Variants in CPNE5 observed in about 807,000 individuals in gnomAD.
CPNE5 encodes the protein copine 5, also known as copine-5.
In CPNE5, 42 loss-of-function variants were observed where a neutral mutation model predicts 81.1. The ratio of observed to expected loss-of-function variants is 0.52; its 90% CI spans 0.40 to 0.67. The LOEUF (loss-of-function observed/expected upper bound fraction) is 0.67. Ranked by LOEUF, CPNE5 falls within the 30% of genes least tolerant of loss-of-function variation. The pLI is 0.00. For synonymous variants in CPNE5, 313 were observed against 321.5 expected, an observed-to-expected ratio of 0.97 and a Z score of 0.28; for missense variants, 612 against 815.5, an observed-to-expected ratio of 0.75 and a Z score of 3.04.
intron 10 of CPNE5, among the ~76,000 whole-genome samples, chr6:36,771,249 G>A (rs1767012258): frequency 6.6e-6 from 1 of 152,172 alleles, no homozygotes; most frequent in African/African-American, 2.4e-5. Context: ...CCTGGTCACA[G>A]CCCTGTCATG....
intron 4 of CPNE5, among the ~76,000 whole-genome samples, chr6:36,799,700 T>C (rs1419799760): frequency 1.3e-5 from 2 of 152,066 alleles, no homozygotes; most frequent in Non-Finnish European, 2.9e-5. Context: ...CAGCAGACAT[T>C]CCCCAGCACC....
chr6:36,805,989 C>G (rs1770556306), intron 3 of CPNE5, among the ~76,000 whole-genome samples: 1 of 152,190 alleles, frequency 6.6e-6, no homozygotes, highest in South Asian at 2.1e-4. Context: ...GGCAGGTAGA[C>G]AGCAGTGTCG....
intron 8 of CPNE5, among the ~76,000 whole-genome samples, chr6:36,781,233 A>G (rs1020106466): frequency 6.6e-6 from 1 of 152,128 alleles, no homozygotes; most frequent in Non-Finnish European, 1.5e-5. Context: ...GGGAGAAGGA[A>G]GCTGGACTGG....
At chr6:36,837,757 T>C (rs1198817766) in intron 1 of CPNE5, among the ~76,000 whole-genome samples, 1 of 152,030 alleles carries the variant, frequency 6.6e-6, no homozygotes. Flanking sequence ...GGGAATGGGC[T>C]GTTCAGAGGC....
At chr6:36,794,900 G>A (rs1400452122) in intron 6 of CPNE5, among the ~76,000 whole-genome samples, 1 of 152,194 alleles carries the variant, frequency 6.6e-6, no homozygotes, top group African/African-American at 2.4e-5. Flanking sequence ...TAATAGGAAT[G>A]TAAATTCCCA....
chr6:36,772,461 T>C (rs1315305812), intron 10 of CPNE5, among the ~76,000 whole-genome samples: 2 of 152,164 alleles, frequency 1.3e-5, no homozygotes, highest in African/African-American at 4.8e-5. Flanking sequence ...GCTAAGACCG[T>C]CTTTGTTCCC....
intron 12 of CPNE5, 125 bp downstream of exon 12, chr6:36,762,792 G>T: frequency 1.3e-6 from 1 of 756,306 alleles, no homozygotes. Context: ...ACGGTAGAAT[G>T]GGACAATAAC....
rs550205517 is a variant in CPNE5 at position 36,808,976 on chromosome 6, A to T, written c.184-8906T>A. On this transcript the variant is annotated intron_variant, in intron 3 of 20. Transcript: ENST00000244751. ...GTTGATATAGTCACTATTCAGTAAGAGGCTTATGCTGTGAATGGAGGCTGG... is the reference window on the plus strand; with the variant it reads ...GTTGATATAGTCACTATTCAGTAAGTGGCTTATGCTGTGAATGGAGGCTGG... 5.1e-4 allele frequency among the ~76,000 whole-genome samples: 77 copies of T among 152,288 alleles called. 1 individual carries two copies. The East Asian group carries it at 0.013, about 26-fold the overall frequency.
At chr6:36,760,438 A>G (rs1204288583) in intron 12 of CPNE5, among the ~76,000 whole-genome samples, 2 of 152,152 alleles carry the variant, frequency 1.3e-5, no homozygotes. Flanking sequence ...ATGTGATCAG[A>G]TCACTATTTT....
intron 8 of CPNE5, among the ~76,000 whole-genome samples, chr6:36,788,362 C>A (rs1345478877): frequency 6.6e-6 from 1 of 152,130 alleles, no homozygotes; most frequent in Non-Finnish European, 1.5e-5. Context: ...AGCCACCCTG[C>A]CTGCTGAGGG....
intron 8 of CPNE5, among the ~76,000 whole-genome samples, chr6:36,783,104 G>A (rs1768190658): frequency 6.6e-6 from 1 of 152,084 alleles, no homozygotes; most frequent in African/African-American, 2.4e-5. Flanking sequence ...TCATACTAGG[G>A]TGAACCATAT....
intron 4 of CPNE5, among the ~76,000 whole-genome samples, chr6:36,799,070 G>A (rs1769866608): frequency 6.6e-6 from 1 of 152,016 alleles, no homozygotes; most frequent in Non-Finnish European, 1.5e-5. Flanking sequence ...CCTCACCTGG[G>A]GCCTGCTCAC....
At chr6:36,756,876 G>A (rs1386343420) in intron 12 of CPNE5, among the ~76,000 whole-genome samples, 3 of 152,214 alleles carry the variant, frequency 2.0e-5, no homozygotes, top group Non-Finnish European at 2.9e-5. Context: ...CATGGGGCTA[G>A]GCTCAGAGTA....
intron 20 of CPNE5, 41 bp from the exon 21 acceptor site, chr6:36,742,527 G>C (rs772189586): frequency 1.3e-6 from 2 of 1,587,388 alleles, no homozygotes; most frequent in Non-Finnish European, 1.7e-6. Flanking sequence ...GCCTCCTGTG[G>C]GACCCTGGCC....
chr6:36,765,474 A>T, intron 10 of CPNE5, 98 bp from the exon 11 acceptor site: 3 of 1,429,082 alleles, frequency 2.1e-6, no homozygotes, highest in Non-Finnish European at 2.9e-6. Context: ...TAGGGAGGCC[A>T]GGACTCCCTC....
In CPNE5 at chr6:36,746,974, A is replaced by G. The variant is rs201699254; in HGVS notation, c.1019-397T>C. Among the ~76,000 whole-genome samples the G allele has an allele frequency of 6.6e-6, 1 of 151,930 alleles. No individual in the cohort carries two copies. Among genetic ancestry groups the G allele is most frequent in the South Asian group, 2.1e-4 (1 of 4,826 alleles). Reference sequence around the variant, plus strand: ...CCCAAAGTCCTCACAAGAGCCCGCAAGCACTCATGATCTGGCCTCCAGGTC... The same window carrying G: ...CCCAAAGTCCTCACAAGAGCCCGCAGGCACTCATGATCTGGCCTCCAGGTC... On this transcript the variant is annotated intron_variant, in intron 15 of 20. Transcript: ENST00000244751. The surrounding 1 kb of genome is among the most constrained non-coding windows in gnomAD (Gnocchi z 4.5).
At chr6:36,811,080 G>A (rs989153487) in intron 3 of CPNE5, among the ~76,000 whole-genome samples, 12 of 152,132 alleles carry the variant, frequency 7.9e-5, no homozygotes, top group East Asian at 7.7e-4. Context: ...CCAGCTCCTC[G>A]GGGAACGGGG....
In CPNE5 at chr6:36,774,998, T is replaced by A. The variant is rs1562122850; in HGVS notation, c.700A>T (p.Ile234Phe). The change falls in exon 10 of 21, where the codon ATT becomes TTT. Residue 234 changes from isoleucine (I) to phenylalanine (F), a missense_variant. Physicochemically the swap from Ile to Phe is conservative, Grantham distance 21. Transcript: ENST00000244751. ...CCGTTGCAGAGGGCTCTCACGGGAATGGAGAAAGTTTGCCAGACTGGATTT... is the reference window on the plus strand; with the variant it reads ...CCGTTGCAGAGGGCTCTCACGGGAAAGGAGAAAGTTTGCCAGACTGGATTT... ...TLNPVWQTFS[I>F]PVRALCNGDY... 6 of 1,614,126 alleles carry A rather than the reference T, an allele frequency of 3.7e-6. No homozygotes were observed. The highest frequency in any genetic ancestry group is 5.1e-6 in the Non-Finnish European group (6 of 1,179,978).
intron 8 of CPNE5, among the ~76,000 whole-genome samples, chr6:36,780,466 T>G (rs927373473): frequency 2.0e-5 from 3 of 152,242 alleles, no homozygotes; most frequent in African/African-American, 7.2e-5. Context: ...CCTCCTTAGC[T>G]GCGTGACTTA....
Sources: gnomAD v4.1 joint callset for allele counts (sites outside exome capture counted in the v4.1 genomes callset) on GRCh38, gnomAD v4.1.1 for gene constraint, Gnocchi (gnomAD v3.1) non-coding constraint, MANE v1.5 for transcripts, NCBI Gene and HGNC (gene_info 2026-07-23, HGNC 2026-07-21) for gene names.